The following GRM3 variants were observed in gnomAD, a reference collection of about 807,000 sequenced individuals.
GRM3 encodes the protein metabotropic glutamate receptor 3.
Under a neutral mutation model 70.5 loss-of-function variants are expected in GRM3, and 26 were observed. That is an observed-to-expected ratio of 0.37 (90% CI 0.27 to 0.51). GRM3 has a LOEUF of 0.51. GRM3 is among the 20% of genes least tolerant of loss of function. The pLI, the probability that GRM3 is intolerant of heterozygous loss-of-function variation, is 0.93. For synonymous variants in GRM3, 443 were observed against 434.9 expected (o/e 1.02, Z -0.23); for missense variants, 859 against 1,123.8 (o/e 0.76, Z 3.37).
At chr7:86,863,896 T>C (rs186617907) in intron 5 of GRM3, among the ~76,000 whole-genome samples, 6 of 152,300 alleles carry the variant, frequency 3.9e-5, no homozygotes, top group Admixed American at 2.6e-4. Context: ...TTAGTGGAGG[T>C]ATGTTCCAGG....
At chr7:86,646,695 C>T (rs138381131) in intron 1 of GRM3, among the ~76,000 whole-genome samples, 1 of 152,102 alleles carries the variant, frequency 6.6e-6, no homozygotes, top group African/African-American at 2.4e-5. Flanking sequence ...GAAAATTATG[C>T]CAGTACAATG....
chr7:86,849,604 G>A (rs1215962865), intron 4 of GRM3, among the ~76,000 whole-genome samples: 2 of 152,088 alleles, frequency 1.3e-5, no homozygotes, highest in African/African-American at 2.4e-5. Flanking sequence ...ATAATAGCAT[G>A]TGCCTAAGGG....
At chr7:86,822,077 A>G (rs1798132590) in intron 3 of GRM3, among the ~76,000 whole-genome samples, 1 of 152,146 alleles carries the variant, frequency 6.6e-6, no homozygotes, top group African/African-American at 2.4e-5. Context: ...CCTATGTTGA[A>G]TAACAGCACA....
intron 1 of GRM3, among the ~76,000 whole-genome samples, chr7:86,668,591 T>G (rs931144342): frequency 2.6e-5 from 4 of 152,226 alleles, no homozygotes; most frequent in African/African-American, 7.2e-5. Context: ...ACCCCGTCTT[T>G]AGAGGGCAGA....
chr7:86,654,807 A>C (rs1443209816), intron 1 of GRM3, among the ~76,000 whole-genome samples: 2 of 152,236 alleles, frequency 1.3e-5, no homozygotes, highest in East Asian at 3.8e-4. Context: ...AAATTTAATG[A>C]GTGCCTACTG....
intron 5 of GRM3, among the ~76,000 whole-genome samples, chr7:86,862,994 C>T (rs1445742951): frequency 6.6e-6 from 1 of 152,144 alleles, no homozygotes; most frequent in Non-Finnish European, 1.5e-5. Context: ...TCAATTTGAT[C>T]TGGGCTGTGA....
chr7:86,664,053 G>A (rs1793963399), intron 1 of GRM3, among the ~76,000 whole-genome samples: 1 of 151,934 alleles, frequency 6.6e-6, no homozygotes, highest in African/African-American at 2.4e-5. Context: ...AGAACAGAGA[G>A]CAGCACTATA....
intron 4 of GRM3, among the ~76,000 whole-genome samples, chr7:86,846,517 C>A (rs1381688578): frequency 3.3e-5 from 5 of 152,108 alleles, no homozygotes; most frequent in Non-Finnish European, 7.3e-5. Context: ...CTACCCAGGA[C>A]AAATGTTAGT....
At chr7:86,709,266 A>C (rs1011520464) in intron 1 of GRM3, among the ~76,000 whole-genome samples, 1 of 151,940 alleles carries the variant, frequency 6.6e-6, no homozygotes, top group South Asian at 2.1e-4. Context: ...AACCGCAATG[A>C]GTTCCCCTAA....
At chr7:86,694,608 A>C (rs1338757791) in intron 1 of GRM3, among the ~76,000 whole-genome samples, 1 of 151,996 alleles carries the variant, frequency 6.6e-6, no homozygotes, top group Non-Finnish European at 1.5e-5. Context: ...TTTCTCTTAC[A>C]AGTTTGAGGG....
At chr7:86,811,220 A>G (rs1797902450) in intron 3 of GRM3, among the ~76,000 whole-genome samples, 1 of 151,960 alleles carries the variant, frequency 6.6e-6, no homozygotes, top group Admixed American at 6.6e-5. Context: ...GTAAAAGTTG[A>G]AGATAAGGAA....
chr7:86,658,809 T>TA (rs1370326769), intron 1 of GRM3, among the ~76,000 whole-genome samples: 1 of 149,816 alleles, frequency 6.7e-6, no homozygotes, highest in African/African-American at 2.5e-5. Context: ...AACTTAAAGA[T>TA]AAAATTCAGC....
intron 3 of GRM3, among the ~76,000 whole-genome samples, chr7:86,827,228 C>T (rs1208099658): frequency 6.6e-6 from 1 of 152,170 alleles, no homozygotes; most frequent in African/African-American, 2.4e-5. Flanking sequence ...GAAATCCTCA[C>T]ATTTTAGAAT....
intron 3 of GRM3, among the ~76,000 whole-genome samples, chr7:86,801,051 C>G (rs186769250): frequency 6.7e-6 from 1 of 149,110 alleles, no homozygotes; most frequent in African/African-American, 2.5e-5. Flanking sequence ...TGTTTTACCA[C>G]GGCAAACTTC....
At chr7:86,766,062 G>A (rs1164590525) in intron 2 of GRM3, among the ~76,000 whole-genome samples, 1 of 152,070 alleles carries the variant, frequency 6.6e-6, no homozygotes, top group Non-Finnish European at 1.5e-5. Flanking sequence ...GCTCTTTCAA[G>A]TTTCTGCTTG....
At chr7:86,676,062 G>T (rs1794297926) in intron 1 of GRM3, among the ~76,000 whole-genome samples, 1 of 150,630 alleles carries the variant, frequency 6.6e-6, no homozygotes, top group Non-Finnish European at 1.5e-5. Flanking sequence ...CCTATTAGGG[G>T]AACAAACAAA....
intron 1 of GRM3, among the ~76,000 whole-genome samples, chr7:86,727,470 G>C (rs1375650778): frequency 1.3e-5 from 2 of 152,174 alleles, no homozygotes. Flanking sequence ...TATTATAGCT[G>C]AGCATAAAGC....
At chr7:86,858,289 C>T (rs1333037074) in intron 5 of GRM3, among the ~76,000 whole-genome samples, 2 of 152,020 alleles carry the variant, frequency 1.3e-5, no homozygotes, top group African/African-American at 4.8e-5. Flanking sequence ...CATGATGTGG[C>T]AACAATGGAG....
intron 1 of GRM3, among the ~76,000 whole-genome samples, chr7:86,743,979 A>T (rs1283981715): frequency 6.6e-6 from 1 of 152,160 alleles, no homozygotes; most frequent in African/African-American, 2.4e-5. Context: ...AGGTTCACAA[A>T]TGACATTCTG....
Sources: allele counts gnomAD v4.1 joint callset (sites outside exome capture counted in the v4.1 genomes callset), GRCh38; gene constraint gnomAD v4.1.1; transcripts MANE v1.5; gene names NCBI Gene and HGNC (gene_info 2026-07-23, HGNC 2026-07-21).